Variants in MDGA2 observed in about 807,000 individuals in gnomAD.
MDGA2 encodes MAM domain-containing glycosylphosphatidylinositol anchor protein 2.
MDGA2 carries 40 observed loss-of-function variants against 117.8 expected under a neutral mutation model. The observed-to-expected ratio is 0.34, with a 90% CI of 0.26 to 0.44. The LOEUF (loss-of-function observed/expected upper bound fraction) is 0.44. MDGA2 is among the 20% of genes least tolerant of loss of function. The probability of loss-of-function intolerance (pLI) is 1.00; values close to 1 mark genes in which losing one functional copy is unlikely to be tolerated. For missense variants in MDGA2, 1,123 were observed against 1,250.6 expected (o/e 0.90, Z 1.54); for synonymous variants, 452 against 439.0 (o/e 1.03, Z -0.37).
At chr14:46,900,963 T>C (rs1014499476) in intron 10 of MDGA2, among the ~76,000 whole-genome samples, 45 of 152,182 alleles carry the variant, frequency 3.0e-4, no homozygotes, top group African/African-American at 1.1e-3. Flanking sequence ...AACTTTCCTG[T>C]ACATTTCTAT....
chr14:47,660,776 T>C (rs1372326613), intron 1 of MDGA2, among the ~76,000 whole-genome samples: 1 of 152,234 alleles, frequency 6.6e-6, no homozygotes, highest in Admixed American at 6.5e-5. Context: ...ACATACCTAC[T>C]ATTTTACATG....
chr14:47,106,412 A>T (rs565625149), intron 5 of MDGA2, among the ~76,000 whole-genome samples: 1 of 151,990 alleles, frequency 6.6e-6, no homozygotes, highest in African/African-American at 2.4e-5. Flanking sequence ...GAACCGCAGC[A>T]GCCAGGCGTT....
intron 1 of MDGA2, among the ~76,000 whole-genome samples, chr14:47,637,326 C>A (rs1473718661): frequency 6.6e-6 from 1 of 152,060 alleles, no homozygotes; most frequent in Non-Finnish European, 1.5e-5. Flanking sequence ...GTTAAGATAC[C>A]CACAGTTATT....
intron 1 of MDGA2, among the ~76,000 whole-genome samples, chr14:47,496,773 A>G (rs1036640577): frequency 2.0e-5 from 3 of 150,208 alleles, no homozygotes; most frequent in African/African-American, 7.3e-5. Context: ...ATTTTACTAT[A>G]ATATATATAA....
intron 9 of MDGA2, among the ~76,000 whole-genome samples, chr14:46,952,684 C>T (rs1052948856): frequency 1.3e-5 from 2 of 151,798 alleles, no homozygotes; most frequent in Non-Finnish European, 2.9e-5. Flanking sequence ...GTCACCATAA[C>T]TGTAGCATAG....
intron 3 of MDGA2, among the ~76,000 whole-genome samples, chr14:47,216,065 A>T (rs1391381067): frequency 6.6e-6 from 1 of 152,146 alleles, no homozygotes; most frequent in African/African-American, 2.4e-5. Context: ...GGTGTGTGAT[A>T]TGAATGAGAT....
At chr14:47,623,883 C>T (rs572707367) in intron 1 of MDGA2, among the ~76,000 whole-genome samples, 17 of 152,292 alleles carry the variant, frequency 1.1e-4, no homozygotes, top group Admixed American at 3.3e-4. Flanking sequence ...CAAGTATATA[C>T]TGAAATTATC....
intron 1 of MDGA2, among the ~76,000 whole-genome samples, chr14:47,423,890 C>A (rs1892631456): frequency 6.6e-6 from 1 of 152,114 alleles, no homozygotes; most frequent in African/African-American, 2.4e-5. Flanking sequence ...CGGCTCACTG[C>A]AACCTCTGCC....
chr14:47,359,051 T>C (rs967174360), intron 1 of MDGA2, among the ~76,000 whole-genome samples: 2 of 152,154 alleles, frequency 1.3e-5, no homozygotes, highest in African/African-American at 2.4e-5. Context: ...ACATCATATG[T>C]CCTAATTTTA....
intron 1 of MDGA2, among the ~76,000 whole-genome samples, chr14:47,349,427 T>G (rs1256839796): frequency 6.6e-6 from 1 of 152,236 alleles, no homozygotes; most frequent in Non-Finnish European, 1.5e-5. Flanking sequence ...ATATTTATAG[T>G]TAAGATAAAA....
At chr14:47,172,416 C>G (rs1884196402) in intron 3 of MDGA2, among the ~76,000 whole-genome samples, 1 of 151,888 alleles carries the variant, frequency 6.6e-6, no homozygotes, top group South Asian at 2.1e-4. Context: ...GGCAGACTGA[C>G]ACCTCACACG....
chr14:47,141,159 G>A (rs955544111), intron 4 of MDGA2, among the ~76,000 whole-genome samples: 1 of 152,110 alleles, frequency 6.6e-6, no homozygotes, highest in African/African-American at 2.4e-5. Context: ...TTCTGGTGTG[G>A]ATGCAGAGAA....
intron 2 of MDGA2, among the ~76,000 whole-genome samples, chr14:47,265,628 G>C (rs1887940547): frequency 7.0e-6 from 1 of 143,778 alleles, no homozygotes; most frequent in Non-Finnish European, 1.5e-5. Context: ...ACTTCGTTTT[G>C]GGAATGCATT....
chr14:46,913,656 C>A (rs3007119), intron 10 of MDGA2, among the ~76,000 whole-genome samples: 146,326 of 152,276 alleles, frequency 0.96, 70,582 homozygotes, highest in Middle Eastern at 1. Flanking sequence ...AGTGATTACT[C>A]GTGGTCACCG....
intron 1 of MDGA2, among the ~76,000 whole-genome samples, chr14:47,552,717 C>A (rs1895606582): frequency 6.6e-6 from 1 of 152,066 alleles, no homozygotes; most frequent in Admixed American, 6.6e-5. Flanking sequence ...AAAAACCCAC[C>A]AATGGCTTTT....
chr14:47,016,202 A>G (rs1888077586), intron 8 of MDGA2, among the ~76,000 whole-genome samples: 1 of 152,030 alleles, frequency 6.6e-6, no homozygotes, highest in Admixed American at 6.6e-5. Flanking sequence ...CAATATTTGC[A>G]TGGTTTTTAA....
chr14:47,119,574 T>G (rs1008545699), intron 5 of MDGA2, among the ~76,000 whole-genome samples: 5 of 152,204 alleles, frequency 3.3e-5, no homozygotes, highest in African/African-American at 4.8e-5. Context: ...GATTGCTTTT[T>G]ACTGATGATT....
At chr14:47,060,404 T>C (rs1889842107) in intron 7 of MDGA2, among the ~76,000 whole-genome samples, 1 of 152,114 alleles carries the variant, frequency 6.6e-6, no homozygotes, top group Non-Finnish European at 1.5e-5. Flanking sequence ...ATGTGTCTAC[T>C]ACATTTGTCT....
At chr14:47,394,820 A>G (rs543937860) in intron 1 of MDGA2, among the ~76,000 whole-genome samples, 1 of 152,300 alleles carries the variant, frequency 6.6e-6, no homozygotes, top group East Asian at 1.9e-4. Context: ...AAAATGAATA[A>G]TTTTTGACAA....
Sources: gnomAD v4.1 joint callset for allele counts (sites outside exome capture counted in the v4.1 genomes callset) on GRCh38, gnomAD v4.1.1 for gene constraint, MANE v1.5 for transcripts, NCBI Gene and HGNC (gene_info 2026-07-23, HGNC 2026-07-21) for gene names.